Variants in THSD7A observed in about 807,000 individuals in gnomAD.
THSD7A encodes the protein thrombospondin type-1 domain-containing protein 7A.
In THSD7A, 96 loss-of-function variants were observed where a neutral mutation model predicts 231.3. The observed-to-expected ratio is 0.41, with a 90% CI of 0.35 to 0.49. THSD7A has a LOEUF of 0.49. Among genes scored for constraint, THSD7A ranks in the 20% least tolerant of loss-of-function variants. The pLI is 0.05. For synonymous variants in THSD7A, 940 were observed against 743.3 expected, an observed-to-expected ratio of 1.26 and a Z score of -4.30; for missense variants, 2,290 against 2,070.2, an observed-to-expected ratio of 1.11 and a Z score of -2.06.
intron 1 of THSD7A, among the ~76,000 whole-genome samples, chr7:11,825,433 C>T (rs1784997107): frequency 6.6e-6 from 1 of 152,024 alleles, no homozygotes; most frequent in Admixed American, 6.6e-5. Flanking sequence ...CTTGGAGTAT[C>T]TACTAGTCTG....
intron 1 of THSD7A, among the ~76,000 whole-genome samples, chr7:11,824,812 A>G (rs1260361565): frequency 2.0e-5 from 3 of 152,194 alleles, no homozygotes; most frequent in Non-Finnish European, 4.4e-5. Context: ...AATACAAGCA[A>G]CTATCCAGTG....
Position 11,430,846 on chromosome 7 carries a change from T to C in THSD7A, c.3065-1721A>G, listed in dbSNP as rs117063816. Reference sequence around the variant, plus strand: ...ATCAGTTCTTCAGTCCTTTCTATGATTGAATAATATTTCATTGTATGGACA... The same window carrying C: ...ATCAGTTCTTCAGTCCTTTCTATGACTGAATAATATTTCATTGTATGGACA... On this transcript the variant is annotated intron_variant, in intron 13 of 27. Transcript: ENST00000423059. Among the ~76,000 whole-genome samples, 119 of 152,338 alleles carry C rather than the reference T, an allele frequency of 7.8e-4. 2 individuals are homozygous for C. The East Asian group carries it at 0.022, about 28-fold the overall frequency.
At chr7:11,383,571 C>A (rs1190308351) in intron 23 of THSD7A, among the ~76,000 whole-genome samples, 1 of 151,908 alleles carries the variant, frequency 6.6e-6, no homozygotes, top group African/African-American at 2.4e-5. Context: ...TGCATAAAGA[C>A]TGCCATTGCT....
At chr7:11,596,115 T>C (rs1253720806) in intron 2 of THSD7A, among the ~76,000 whole-genome samples, 1 of 152,224 alleles carries the variant, frequency 6.6e-6, no homozygotes, top group Non-Finnish European at 1.5e-5. Flanking sequence ...CCAGAACCTC[T>C]TGAATGAAAG....
At chr7:11,440,939 CAG>C (rs1583746704) in intron 13 of THSD7A, among the ~76,000 whole-genome samples, 1 of 152,116 alleles carries the variant, frequency 6.6e-6, no homozygotes, top group South Asian at 2.1e-4. Context: ...TTGCATGCAA[CAG>C]AGAACTCTTT....
chr7:11,554,492 T>C lies in THSD7A; in HGVS notation c.1454-11375A>G, dbSNP rs1171674798. Among the ~76,000 whole-genome samples, 3 of 152,142 alleles carry C rather than the reference T, an allele frequency of 2.0e-5. No individual in the cohort carries two copies. In the East Asian group the frequency reaches 5.8e-4, roughly 29 times the overall value. ...TGAGGATGTTCTTCTCTATTCCTAT[T>C]TTTTTCTGAGAGTTTATTATGAATG... is the stretch of plus-strand genomic sequence containing the variant. On this transcript the variant is annotated intron_variant, in intron 4 of 27. Coordinates refer to ENST00000423059, the MANE Select transcript of THSD7A (RefSeq NM_015204.3).
intron 1 of THSD7A, among the ~76,000 whole-genome samples, chr7:11,759,458 T>C (rs1782786331): frequency 6.6e-6 from 1 of 152,000 alleles, no homozygotes; most frequent in Admixed American, 6.6e-5. Context: ...CACAGACATA[T>C]GAATATGTGA....
chr7:11,426,137 A>G (rs1328413685), intron 15 of THSD7A, among the ~76,000 whole-genome samples: 3 of 152,216 alleles, frequency 2.0e-5, no homozygotes, highest in Non-Finnish European at 2.9e-5. Context: ...TTATATTCAC[A>G]TTTAGTTGCT....
chr7:11,831,941 C>T lies in THSD7A; in HGVS notation c.6G>A (p.Gly2=). The T allele has an allele frequency of 8.1e-7, 1 of 1,232,658 alleles. No homozygotes were observed. 76.4% of individuals were successfully genotyped at this position (1,232,658 alleles called of 1,614,324 possible). Reference sequence around the variant, plus strand: ...CGGACGCCCAGCGCCTGGCTTGCAGCCCCATGCCGCCTGCAGCCACTCCAG... The same window carrying T: ...CGGACGCCCAGCGCCTGGCTTGCAGTCCCATGCCGCCTGCAGCCACTCCAG... M[G]LQARRWASGS... is the part of the protein sequence containing the mutation. The change falls in exon 1 of 28, where the codon GGG becomes GGA. Residue 2 remains glycine, a synonymous_variant. Coordinates refer to ENST00000423059, the MANE Select transcript of THSD7A (RefSeq NM_015204.3). This position sits in a 1 kb window ranked among gnomAD's most constrained non-coding sequence, Gnocchi z 5.0.
chr7:11,572,569 C>T (rs568791140), intron 4 of THSD7A, among the ~76,000 whole-genome samples: 37 of 152,232 alleles, frequency 2.4e-4, no homozygotes, highest in Admixed American at 2.1e-3. Context: ...AGTGCAGTGG[C>T]GCAATCATAG....
chr7:11,809,159 T>C (rs1784467382), intron 1 of THSD7A, among the ~76,000 whole-genome samples: 2 of 152,062 alleles, frequency 1.3e-5, no homozygotes, highest in Non-Finnish European at 2.9e-5. Flanking sequence ...CCTCAAGAAG[T>C]CCACATTTAA....
chr7:11,567,416 C>A (rs1342741921), intron 4 of THSD7A, among the ~76,000 whole-genome samples: 1 of 152,116 alleles, frequency 6.6e-6, no homozygotes, highest in African/African-American at 2.4e-5. Flanking sequence ...CTGGTTTCTT[C>A]CTTCATATAT....
chr7:11,616,213 G>A (rs1273495393), intron 2 of THSD7A, among the ~76,000 whole-genome samples: 2 of 152,012 alleles, frequency 1.3e-5, no homozygotes, highest in African/African-American at 4.8e-5. Flanking sequence ...ATGTCTCTGT[G>A]ATATTTGACT....
At chr7:11,729,249 C>T (rs1781645995) in intron 1 of THSD7A, among the ~76,000 whole-genome samples, 1 of 151,708 alleles carries the variant, frequency 6.6e-6, no homozygotes, top group Non-Finnish European at 1.5e-5. Flanking sequence ...TGAAAAACAT[C>T]ATTTGAGCTA....
chr7:11,758,768 G>C (rs192360158), intron 1 of THSD7A, among the ~76,000 whole-genome samples: 2 of 152,180 alleles, frequency 1.3e-5, no homozygotes, highest in Admixed American at 1.3e-4. Flanking sequence ...GGTTATCAAA[G>C]TTTTTCTGTA....
chr7:11,528,532 C>G (rs6460820), intron 6 of THSD7A, among the ~76,000 whole-genome samples: 79,475 of 152,018 alleles, frequency 0.52, 23,426 homozygotes, highest in African/African-American at 0.81. Context: ...GAGAATGAAA[C>G]AATGTTGAGG....
At chr7:11,685,832 A>G (rs1310322859) in intron 1 of THSD7A, among the ~76,000 whole-genome samples, 1 of 152,010 alleles carries the variant, frequency 6.6e-6, no homozygotes, top group African/African-American at 2.4e-5. Context: ...AACTAAAAAT[A>G]GAATTACCAT....
rs772252216 is a variant in THSD7A at position 11,814,796 on chromosome 7, C to G, written c.190+16961G>C. 1.3e-5 allele frequency among the ~76,000 whole-genome samples: 2 copies of G among 152,036 alleles called. No homozygotes were observed. Among genetic ancestry groups the G allele is most frequent in the African/African-American group, 4.8e-5 (2 of 41,394 alleles). On this transcript the variant is annotated intron_variant, in intron 1 of 27. Transcript: ENST00000423059. This position sits in a 1 kb window ranked among gnomAD's most constrained non-coding sequence, Gnocchi z 5.1. Reference sequence around the variant, plus strand: ...TCCAAATCCATTTTGATGACTCTCCCATTAGAGGTATGTAGTCACCACAGC... The same window carrying G: ...TCCAAATCCATTTTGATGACTCTCCGATTAGAGGTATGTAGTCACCACAGC...
chr7:11,720,873 C>T (rs1394950758), intron 1 of THSD7A, among the ~76,000 whole-genome samples: 2 of 151,714 alleles, frequency 1.3e-5, no homozygotes, highest in African/African-American at 4.8e-5. Flanking sequence ...ACTGCTCCTT[C>T]TCTCTGCCCT....
Sources: allele counts gnomAD v4.1 joint callset (sites outside exome capture counted in the v4.1 genomes callset), GRCh38; gene constraint gnomAD v4.1.1; non-coding constraint Gnocchi (gnomAD v3.1); transcripts MANE v1.5; gene names NCBI Gene and HGNC (gene_info 2026-07-23, HGNC 2026-07-21).